The following TMEM135 variants were observed in gnomAD, a reference collection of about 807,000 sequenced individuals.
TMEM135 encodes the protein peroxisomal membrane protein 52.
In TMEM135, 30 loss-of-function variants were observed where a neutral mutation model predicts 60.3. The ratio of observed to expected loss-of-function variants is 0.50; its 90% CI spans 0.37 to 0.68. The LOEUF is 0.68. TMEM135 is among the 30% of genes least tolerant of loss of function. The pLI is 0.00. For synonymous variants in TMEM135, 190 were observed against 186.7 expected, an observed-to-expected ratio of 1.02 and a Z score of -0.14; for missense variants, 468 against 548.8, an observed-to-expected ratio of 0.85 and a Z score of 1.47.
chr11:87,276,998 A>G (rs916992338), intron 6 of TMEM135, among the ~76,000 whole-genome samples: 1 of 151,888 alleles, frequency 6.6e-6, no homozygotes, highest in African/African-American at 2.4e-5. Flanking sequence ...TTTAATATTT[A>G]TGGAACTTTG....
At chr11:87,221,561 T>C (rs644471) in intron 5 of TMEM135, among the ~76,000 whole-genome samples, 45,840 of 151,992 alleles carry the variant, frequency 0.3, 7,807 homozygotes, top group African/African-American at 0.46. Context: ...TTATATGGAC[T>C]AGATTCATTC....
chr11:87,050,435 A>C (rs1234877109), intron 1 of TMEM135, among the ~76,000 whole-genome samples: 1 of 72,708 alleles, frequency 1.4e-5, no homozygotes, highest in South Asian at 4.1e-4. Flanking sequence ...CTAATAAAGA[A>C]AAAAAGAGAA....
At chr11:87,253,818 A>G (rs902387321) in intron 6 of TMEM135, among the ~76,000 whole-genome samples, 1 of 151,712 alleles carries the variant, frequency 6.6e-6, no homozygotes, top group African/African-American at 2.4e-5. Flanking sequence ...AATAGTAACA[A>G]TCGTTGTCTC....
At chr11:87,141,921 A>G (rs994101211) in intron 4 of TMEM135, among the ~76,000 whole-genome samples, 2 of 152,214 alleles carry the variant, frequency 1.3e-5, no homozygotes, top group Non-Finnish European at 2.9e-5. Flanking sequence ...AAGAAAGATT[A>G]GCTATTGAAT....
intron 6 of TMEM135, among the ~76,000 whole-genome samples, chr11:87,258,586 A>G (rs920873695): frequency 2.6e-5 from 4 of 152,184 alleles, no homozygotes; most frequent in Admixed American, 1.3e-4. Context: ...AATTTTGTGA[A>G]AAGAGTGTGT....
In TMEM135 at chr11:87,142,897, AT is replaced by A. The variant is rs796628162; in HGVS notation, c.397-14434del. Among the ~76,000 whole-genome samples, 51 of 131,342 alleles carry A rather than the reference AT, an allele frequency of 3.9e-4. No individual in the cohort carries two copies. The East Asian group carries it at 8.3e-3, about 21-fold the overall frequency. The allele number at this position is 131,342 out of a possible 152,430, so 86.2% of individuals were successfully genotyped here. ...TCAGAAGGTTTTTGACAATCATTTC[AT>A]TTTTTTTTTCTTCCTCCTTTTCTAT... On this transcript the variant is annotated intron_variant, in intron 4 of 14. Coordinates refer to ENST00000305494, the MANE Select transcript of TMEM135 (RefSeq NM_022918.4).
intron 5 of TMEM135, among the ~76,000 whole-genome samples, chr11:87,185,350 C>A (rs980395676): frequency 2.0e-5 from 3 of 152,144 alleles, no homozygotes; most frequent in African/African-American, 7.2e-5. Context: ...CCCCCCTCAT[C>A]CCTCTCTCTA....
chr11:87,108,396 G>T (rs78666797), intron 4 of TMEM135, among the ~76,000 whole-genome samples: 1,535 of 152,088 alleles, frequency 0.01, 89 homozygotes, highest in East Asian at 0.085. Context: ...ATAGTTTTAG[G>T]TCTAACATTT....
chr11:87,267,591 C>T (rs548967826), intron 6 of TMEM135, among the ~76,000 whole-genome samples: 2 of 152,138 alleles, frequency 1.3e-5, no homozygotes, highest in Non-Finnish European at 2.9e-5. Context: ...ATTTGGATTT[C>T]GTGATTGTTT....
rs745854079 is a variant in TMEM135 at position 87,321,677 on chromosome 11, T to G, written c.*344T>G. 3.3e-5 allele frequency: 16 copies of G among 478,782 alleles called. No individual in the cohort carries two copies. Among genetic ancestry groups the G allele is most frequent in the Non-Finnish European group, 6.6e-5 (16 of 243,926 alleles). The allele number at this position is 478,782 out of a possible 1,614,324, so 29.7% of individuals were successfully genotyped here. On this transcript the variant is annotated 3_prime_UTR_variant, in exon 15 of 15. Transcript: ENST00000305494. The stretch of plus-strand genomic sequence containing the variant: ...TTAAAATTACTTTAAAAGATGTCTT[T>G]AGTTCATTCCAATATAATTCTTGAT...
At chr11:87,045,215 A>G (rs1197789405) in intron 1 of TMEM135, among the ~76,000 whole-genome samples, 1 of 150,194 alleles carries the variant, frequency 6.7e-6, no homozygotes, top group Non-Finnish European at 1.5e-5. Flanking sequence ...TATTTTTAGT[A>G]GAGACGGGGT....
chr11:87,230,756 A>G (rs1224139241), intron 5 of TMEM135, among the ~76,000 whole-genome samples: 1 of 152,108 alleles, frequency 6.6e-6, no homozygotes, highest in Non-Finnish European at 1.5e-5. Flanking sequence ...AATGATCTAT[A>G]TCTGTCCTGT....
chr11:87,246,846 T>C (rs1941287828), intron 6 of TMEM135, among the ~76,000 whole-genome samples: 1 of 116,256 alleles, frequency 8.6e-6, no homozygotes, highest in African/African-American at 3.3e-5. Context: ...GCTTCTTCTC[T>C]CAACTCGTCA....
In TMEM135 at chr11:87,323,073, T is replaced by C. The variant is rs1430772315; in HGVS notation, c.*1740T>C. On this transcript the variant is annotated 3_prime_UTR_variant, in exon 15 of 15. Transcript: ENST00000305494. ...GAAATTGTGCTTATATATTTTCCTG[T>C]CAGGTTTAAAAAGATGTTTTAATTC... The C allele has an allele frequency of 2.2e-6, 1 of 454,172 alleles. No individual in the cohort carries two copies. Among genetic ancestry groups the C allele is most frequent in the Admixed American group, 2.4e-5 (1 of 42,522 alleles). The allele number at this position is 454,172 out of a possible 1,614,324, so 28.1% of individuals were successfully genotyped here. A position where few individuals can be genotyped will look rare whatever the true frequency, so the allele number is the denominator to read the frequency against.
intron 6 of TMEM135, among the ~76,000 whole-genome samples, chr11:87,284,820 A>G (rs560712960): frequency 2.8e-4 from 42 of 152,178 alleles, no homozygotes; most frequent in Non-Finnish European, 4.7e-4. Flanking sequence ...TTTGTATGTG[A>G]GTTTTCTTAA....
chr11:87,132,822 T>C (rs903985180), intron 4 of TMEM135, among the ~76,000 whole-genome samples: 2 of 115,046 alleles, frequency 1.7e-5, no homozygotes, highest in Admixed American at 2.0e-4. Context: ...ACCTATGGTA[T>C]GTTTTTTTCT....
At chr11:87,281,013 A>G in intron 6 of TMEM135, among the ~76,000 whole-genome samples, 1 of 152,228 alleles carries the variant, frequency 6.6e-6, no homozygotes, top group East Asian at 1.9e-4. Flanking sequence ...GCTCCTAATT[A>G]AGAAAAGACT....
At chr11:87,119,862 G>A (rs1857996212) in intron 4 of TMEM135, among the ~76,000 whole-genome samples, 1 of 150,874 alleles carries the variant, frequency 6.6e-6, no homozygotes, top group Admixed American at 6.6e-5. Flanking sequence ...TCCATGCAGC[G>A]TTGCTGCAAA....
intron 5 of TMEM135, among the ~76,000 whole-genome samples, chr11:87,160,127 A>G (rs780658684): frequency 6.6e-6 from 1 of 152,186 alleles, no homozygotes; most frequent in Non-Finnish European, 1.5e-5. Context: ...TTACAAAAAT[A>G]TCAGTCTTTC....
Sources: allele counts gnomAD v4.1 joint callset (sites outside exome capture counted in the v4.1 genomes callset), GRCh38; gene constraint gnomAD v4.1.1; transcripts MANE v1.5; gene names NCBI Gene and HGNC (gene_info 2026-07-23, HGNC 2026-07-21).